The following PSD3 variants were observed in gnomAD, a reference collection of about 807,000 sequenced individuals.
PSD3 encodes the protein PH and SEC7 domain-containing protein 3.
Under a neutral mutation model 105.5 loss-of-function variants are expected in PSD3, and 49 were observed. That is an observed-to-expected ratio of 0.46 (90% CI 0.37 to 0.59). PSD3 has a LOEUF of 0.59. PSD3 is among the 20% of genes least tolerant of loss of function. The pLI, the probability that PSD3 is intolerant of heterozygous loss-of-function variation, is 0.00. For synonymous variants in PSD3, 557 were observed against 457.8 expected (o/e 1.22, Z -2.77); for missense variants, 1,561 against 1,263.8 (o/e 1.24, Z -3.57).
At chr8:19,013,785 A>C, upstream of PSD3, 2 of 204,064 alleles carry the variant, frequency 9.8e-6, no homozygotes, top group Non-Finnish European at 1.8e-5. Flanking sequence ...GCCCCCAGTA[A>C]CGTCAAAGCG....
chr8:18,814,168 T>C (rs1345782888), intron 4 of PSD3, among the ~76,000 whole-genome samples: 5 of 152,208 alleles, frequency 3.3e-5, no homozygotes, highest in Admixed American at 3.3e-4. Context: ...AAGAGCTATT[T>C]CTCTGTTCAG....
rs541986709 is a variant in PSD3, at chr8:18,992,724, C to T, written c.21+20839G>A. On this transcript the variant is annotated intron_variant, in intron 1 of 15. Transcript: ENST00000327040. Reference sequence around the variant, plus strand: ...CTAGAAATGATTCAGTCTTCTTCATCCATACATTAGAAACCATAATTTTTT... The same window carrying T: ...CTAGAAATGATTCAGTCTTCTTCATTCATACATTAGAAACCATAATTTTTT... Among the ~76,000 whole-genome samples, 4 of 152,262 alleles carry T rather than the reference C, an allele frequency of 2.6e-5. No homozygotes were observed. In the East Asian group the frequency reaches 7.7e-4, roughly 29 times the overall value.
intron 11 of PSD3, among the ~76,000 whole-genome samples, chr8:18,616,814 G>A (rs1002620047): frequency 1.3e-5 from 2 of 150,998 alleles, no homozygotes; most frequent in Admixed American, 6.6e-5. Context: ...TAGTAGAGAC[G>A]GGGTTTCACC....
intron 3 of PSD3, among the ~76,000 whole-genome samples, chr8:18,871,193 G>A (rs1275373082): frequency 6.6e-6 from 1 of 152,178 alleles, no homozygotes; most frequent in Admixed American, 6.5e-5. Flanking sequence ...AGGCATTGGT[G>A]TTATACCCAG....
Position 18,541,938 on chromosome 8 carries a change from G to A in PSD3, c.2929-5980C>T, listed in dbSNP as rs193263117. On this transcript the variant is annotated intron_variant, in intron 15 of 15. Transcript: ENST00000327040. ...TGGCTGATTTTGTATTTTTACTGGA[G>A]AACGGGGTTTCTCCATGTTGGTCAG... is the stretch of plus-strand genomic sequence containing the variant. Among the ~76,000 whole-genome samples, 30 of 152,028 alleles carry A rather than the reference G, an allele frequency of 2.0e-4. No individual in the cohort carries two copies. The Middle Eastern group carries it at 0.01, about 52-fold the overall frequency.
At chr8:18,843,293 G>T (rs12550253) in intron 4 of PSD3, among the ~76,000 whole-genome samples, 1 of 150,276 alleles carries the variant, frequency 6.7e-6, no homozygotes, top group Non-Finnish European at 1.5e-5. Context: ...CCCGGGAGGC[G>T]GAGCTTGCAG....
chr8:18,927,210 G>GT (rs1260508657), intron 2 of PSD3, among the ~76,000 whole-genome samples: 10 of 151,890 alleles, frequency 6.6e-5, no homozygotes, highest in Non-Finnish European at 1.5e-4. Flanking sequence ...GTCCTTTCGG[G>GT]TTTTTTTGTT....
At chr8:18,600,104 T>C (rs1168356335) in intron 12 of PSD3, among the ~76,000 whole-genome samples, 3 of 152,188 alleles carry the variant, frequency 2.0e-5, no homozygotes, top group Admixed American at 2.0e-4. Context: ...AGGATGGCTA[T>C]GCTGGACAAA....
chr8:18,785,836 G>A (rs377251854), intron 8 of PSD3, among the ~76,000 whole-genome samples: 17 of 152,296 alleles, frequency 1.1e-4, no homozygotes, highest in African/African-American at 4.1e-4. Flanking sequence ...GGAGGCCTGA[G>A]GAGACAGAGA....
In PSD3 at chr8:18,575,145, G is replaced by A. The variant is rs755743351; in HGVS notation, c.2622C>T (p.Val874=). 6.8e-6 allele frequency: 11 copies of A among 1,612,684 alleles called. No homozygotes were observed. In the South Asian group the frequency reaches 7.7e-5, roughly 11 times the overall value. The change falls in exon 13 of 16, where the codon GTC becomes GTT. Residue 874 remains valine (V), a synonymous_variant. Coordinates refer to ENST00000327040, the MANE Select transcript of PSD3 (RefSeq NM_015310.4). ...AAACATACTGAGTTTGAAAAAGCAA[G>A]ACCCTCCAGTCGGCAGTTTTAAGTT... is the stretch of plus-strand genomic sequence containing the variant. ...VFKLKTADWR[V]LLFQTQSPEE... is the part of the protein sequence containing the mutation.
chr8:18,598,802 C>G (rs77296913), intron 12 of PSD3, among the ~76,000 whole-genome samples: 26,184 of 151,880 alleles, frequency 0.17, 2,715 homozygotes, highest in Non-Finnish European at 0.24. Context: ...GCATCAAAAA[C>G]TATTAAAAAA....
At chr8:18,575,042 C>T (rs1802386811) in intron 13 of PSD3, 86 bp downstream of exon 13, 1 of 1,387,354 alleles carries the variant, frequency 7.2e-7, no homozygotes, top group Non-Finnish European at 9.5e-7. Context: ...AAAAATTTCC[C>T]CTGCAGAGCT....
intron 9 of PSD3, among the ~76,000 whole-genome samples, chr8:18,731,793 T>C (rs1473067604): frequency 6.6e-6 from 1 of 152,190 alleles, no homozygotes; most frequent in Middle Eastern, 3.2e-3. Flanking sequence ...CTGGGAACAC[T>C]TGCCATTTGA....
intron 2 of PSD3, among the ~76,000 whole-genome samples, chr8:18,923,773 C>G (rs189916367): frequency 6.6e-6 from 1 of 152,202 alleles, no homozygotes; most frequent in East Asian, 1.9e-4. Flanking sequence ...TGACACATGG[C>G]TGTATATACT....
chr8:18,956,149 T>A lies in PSD3; in HGVS notation c.22-20007A>T, dbSNP rs1026327877. Among the ~76,000 whole-genome samples, 4 of 152,172 alleles carry A rather than the reference T, an allele frequency of 2.6e-5. No individual in the cohort carries two copies. In the East Asian group the frequency reaches 7.7e-4, roughly 29 times the overall value. On this transcript the variant is annotated intron_variant, in intron 1 of 15. Coordinates refer to ENST00000327040, the MANE Select transcript of PSD3 (RefSeq NM_015310.4). Reference sequence around the variant, plus strand: ...AAAAGACTTTTCTGAGGAAGCTGTATGATTTAAGGAAAGGCAGATCACTGG... The same window carrying A: ...AAAAGACTTTTCTGAGGAAGCTGTAAGATTTAAGGAAAGGCAGATCACTGG...
At chr8:19,018,219 G>A (rs889801676), upstream of PSD3, among the ~76,000 whole-genome samples, 1 of 151,990 alleles carries the variant, frequency 6.6e-6, no homozygotes, top group Admixed American at 6.6e-5. Context: ...TCCCACCCTC[G>A]CATTTATTAC....
At chr8:18,691,002 G>A (rs1170945819) in intron 9 of PSD3, among the ~76,000 whole-genome samples, 1 of 150,388 alleles carries the variant, frequency 6.6e-6, no homozygotes, top group Non-Finnish European at 1.5e-5. Context: ...TGGCGGTTAG[G>A]AGTAAAAAAA....
At chr8:18,754,504 C>A (rs946106613) in intron 9 of PSD3, among the ~76,000 whole-genome samples, 1 of 152,118 alleles carries the variant, frequency 6.6e-6, no homozygotes, top group Middle Eastern at 3.2e-3. Context: ...CCACGAACAG[C>A]TGGCTCGGTG....
intron 11 of PSD3, among the ~76,000 whole-genome samples, chr8:18,610,083 A>T (rs1563375257): frequency 6.6e-6 from 1 of 152,268 alleles, no homozygotes; most frequent in Non-Finnish European, 1.5e-5. Context: ...TTTACACATT[A>T]CAAAAAAAAT....
Sources: gnomAD v4.1 joint callset for allele counts (sites outside exome capture counted in the v4.1 genomes callset) on GRCh38, gnomAD v4.1.1 for gene constraint, MANE v1.5 for transcripts, NCBI Gene and HGNC (gene_info 2026-07-23, HGNC 2026-07-21) for gene names.